The following AGO3 variants were observed in gnomAD, a reference collection of about 807,000 sequenced individuals.
AGO3 encodes argonaute RISC catalytic component 3.
Under a neutral mutation model 105.5 loss-of-function variants are expected in AGO3, and 16 were observed. The ratio of observed to expected loss-of-function variants is 0.15; its 90% CI spans 0.10 to 0.23. The LOEUF is 0.23. Among genes scored for constraint, AGO3 ranks in the 10% least tolerant of loss-of-function variants. The pLI, the probability that AGO3 is intolerant of heterozygous loss-of-function variation, is 1.00. For missense variants in AGO3, 534 were observed against 1,088.0 expected (o/e 0.49, Z 7.16); for synonymous variants, 340 against 367.3 (o/e 0.93, Z 0.85).
rs753497629 is a variant in AGO3 at position 36,053,004 on chromosome 1, AT to A, written c.2275-1938del. ...TAAATCCTATATGACTGGTTTATATATTTTAACCTAGTGTTTCCTCCAGTAT... is the reference window on the plus strand; with the variant it reads ...TAAATCCTATATGACTGGTTTATATATTTAACCTAGTGTTTCCTCCAGTAT... On this transcript the variant is annotated intron_variant, in intron 17 of 18. Transcript: ENST00000373191. 9.7e-4 allele frequency among the ~76,000 whole-genome samples: 147 copies of A among 152,144 alleles called. 1 individual carries two copies. Among genetic ancestry groups the A allele is most frequent in the Non-Finnish European group, 1.4e-3 (92 of 68,038 alleles).
chr1:35,991,023 C>G (rs1647593995), intron 5 of AGO3, among the ~76,000 whole-genome samples: 1 of 152,150 alleles, frequency 6.6e-6, no homozygotes, highest in Non-Finnish European at 1.5e-5. Flanking sequence ...CAGTATAAGG[C>G]TGGGCACGGT....
chr1:36,024,327 G>A (rs933303306), intron 11 of AGO3, among the ~76,000 whole-genome samples: 2 of 151,774 alleles, frequency 1.3e-5, no homozygotes, highest in African/African-American at 4.8e-5. Context: ...TGTATAGATA[G>A]GATCTCACTA....
At chr1:35,958,243 T>G (rs1330404455) in intron 2 of AGO3, among the ~76,000 whole-genome samples, 1 of 151,780 alleles carries the variant, frequency 6.6e-6, no homozygotes, top group Non-Finnish European at 1.5e-5. Context: ...TAGCCAGGCA[T>G]GGTGGTGCGC....
intron 2 of AGO3, among the ~76,000 whole-genome samples, chr1:35,953,971 A>G (rs191520389): frequency 9.8e-5 from 15 of 152,330 alleles, no homozygotes; most frequent in Admixed American, 3.9e-4. Flanking sequence ...TTTGAAGCAC[A>G]AACTTTTAAA....
intron 1 of AGO3, among the ~76,000 whole-genome samples, chr1:35,935,403 G>A (rs1646131231): frequency 6.6e-6 from 1 of 152,142 alleles, no homozygotes; most frequent in South Asian, 2.1e-4. Context: ...AAACTAATCT[G>A]TTTAGTTTTT....
rs187156092 is a variant in AGO3, at chr1:35,982,074, G to A, written c.658+8563G>A. Among the ~76,000 whole-genome samples the A allele has an allele frequency of 1.6e-3, 243 of 152,208 alleles. 1 individual carries two copies. Among genetic ancestry groups the A allele is most frequent in the African/African-American group, 4.0e-3 (168 of 41,546 alleles). On this transcript the variant is annotated intron_variant, in intron 5 of 18. Transcript: ENST00000373191. ...TCTAGGAGAAAGATGGGAAAATTTG[G>A]AACTAAATTGCTGTTATGTTCCTAC...
intron 1 of AGO3, among the ~76,000 whole-genome samples, chr1:35,933,711 A>G (rs1472588441): frequency 2.7e-5 from 4 of 147,474 alleles, no homozygotes; most frequent in Non-Finnish European, 1.5e-5. Context: ...AAATTTTAGT[A>G]TAAATGTTCT....
In AGO3 at chr1:35,952,214, G is replaced by A. The variant is rs181624572; in HGVS notation, c.191+6351G>A. ...TAGGCTAGAGTGCAGTGGCGCGATC[G>A]CGGCTCACTGCAACCTCTGCCTCCT... On this transcript the variant is annotated intron_variant, in intron 2 of 18. Transcript: ENST00000373191. 4.0e-3 allele frequency among the ~76,000 whole-genome samples: 572 copies of A among 141,854 alleles called. 3 individuals are homozygous for A. The highest frequency in any genetic ancestry group is 0.013 in the African/African-American group (500 of 37,798). The allele number at this position is 141,854 out of a possible 152,430, so 93.1% of individuals were successfully genotyped here.
In AGO3 at chr1:36,057,909, A is replaced by C. The variant is rs1642975071; in HGVS notation, c.*2164A>C. 2.0e-5 allele frequency: 3 copies of C among 152,072 alleles called. No homozygotes were observed. Among genetic ancestry groups the C allele is most frequent in the African/African-American group, 7.2e-5 (3 of 41,400 alleles). The allele number at this position is 152,072 out of a possible 1,614,324, so 9.4% of individuals were successfully genotyped here. A position where few individuals can be genotyped will look rare whatever the true frequency, so the allele number is the denominator to read the frequency against. ...GGATTGCTTGAACCTAGGAGGCGGA[A>C]GTTACAGTGAGCCAAGACTGCACCA... On this transcript the variant is annotated 3_prime_UTR_variant, in exon 19 of 19. Coordinates refer to ENST00000373191, the MANE Select transcript of AGO3 (RefSeq NM_024852.4).
chr1:36,017,133 T>C (rs1640947194), intron 11 of AGO3, among the ~76,000 whole-genome samples: 1 of 152,150 alleles, frequency 6.6e-6, no homozygotes, highest in Non-Finnish European at 1.5e-5. Flanking sequence ...CCATTTGACA[T>C]CCTACAGATG....
At chr1:36,051,742 C>T (rs368479073) in intron 17 of AGO3, among the ~76,000 whole-genome samples, 8 of 152,086 alleles carry the variant, frequency 5.3e-5, no homozygotes, top group African/African-American at 1.9e-4. Flanking sequence ...ACTCAAACAA[C>T]TCAACAGCAA....
Position 36,008,969 on chromosome 1 carries a change from T to C in AGO3, c.954T>C (p.Thr318=), listed in dbSNP as rs772141640. Residue 318 remains threonine (T), a synonymous_variant, in exon 8 of 19, where the codon ACT becomes ACC. Coordinates refer to ENST00000373191, the MANE Select transcript of AGO3 (RefSeq NM_024852.4). This position sits in a 1 kb window ranked among gnomAD's most constrained non-coding sequence, Gnocchi z 5.1. ...CGCAGTATTTCAGAGAAAAGTATAC[T>C]CTTCAGCTGAAGTACCCGCACCTTC... ...TVAQYFREKY[T]LQLKYPHLPC... is the part of the protein sequence containing the mutation. 6.2e-7 allele frequency: 1 copy of C among 1,613,206 alleles called. No homozygotes were observed. Among genetic ancestry groups the C allele is most frequent in the Non-Finnish European group, 8.5e-7 (1 of 1,179,804 alleles).
intron 5 of AGO3, among the ~76,000 whole-genome samples, chr1:35,977,391 AT>A (rs35048209): frequency 0.048 from 6,152 of 128,296 alleles, 148 homozygotes; most frequent in South Asian, 0.075. Context: ...CGTTATTATG[AT>A]TTTTTTTTTT....
chr1:36,022,034 C>CA (rs1569830865), intron 11 of AGO3, among the ~76,000 whole-genome samples: 1 of 149,146 alleles, frequency 6.7e-6, no homozygotes, highest in East Asian at 1.9e-4. Context: ...TAGGCATCCG[C>CA]ATCCTTGGAT....
At chr1:35,957,339 G>C (rs1169899523) in intron 2 of AGO3, among the ~76,000 whole-genome samples, 1 of 151,798 alleles carries the variant, frequency 6.6e-6, no homozygotes, top group African/African-American at 2.4e-5. Flanking sequence ...CTGGGCGACA[G>C]AGCGAGACTG....
intron 1 of AGO3, among the ~76,000 whole-genome samples, chr1:35,942,259 T>C (rs1239533541): frequency 1.3e-5 from 2 of 152,248 alleles, no homozygotes; most frequent in East Asian, 3.8e-4. Flanking sequence ...TGATACAAAC[T>C]CATTCTTTTG....
At chr1:36,012,493 C>A (rs991727265) in intron 9 of AGO3, among the ~76,000 whole-genome samples, 1 of 151,910 alleles carries the variant, frequency 6.6e-6, no homozygotes, top group East Asian at 1.9e-4. Context: ...AAAATTATAA[C>A]CTGTGACTCA....
At chr1:36,018,004 A>G (rs1341675302) in intron 11 of AGO3, among the ~76,000 whole-genome samples, 1 of 148,548 alleles carries the variant, frequency 6.7e-6, no homozygotes, top group East Asian at 2.1e-4. Flanking sequence ...TGTATTGACA[A>G]TGTTCTCTTT....
Position 36,064,088 on chromosome 1 carries a change from A to G in AGO3, c.*8343A>G, listed in dbSNP as rs1206058372. The G allele has an allele frequency of 6.6e-6, 1 of 152,244 alleles. No individual in the cohort carries two copies. Among genetic ancestry groups the G allele is most frequent in the Non-Finnish European group, 1.5e-5 (1 of 68,050 alleles). 9.4% of individuals were successfully genotyped at this position (152,244 alleles called of 1,614,324 possible). A position where few individuals can be genotyped will look rare whatever the true frequency, so the allele number is the denominator to read the frequency against. On this transcript the variant is annotated 3_prime_UTR_variant, in exon 19 of 19. Coordinates refer to ENST00000373191, the MANE Select transcript of AGO3 (RefSeq NM_024852.4). ...TATTGGTATGTTAACTTTTAAAATA[A>G]AAGTACATGGGCTGGGCGCAGTGGC... is the stretch of plus-strand genomic sequence containing the variant.
Sources: allele counts gnomAD v4.1 joint callset (sites outside exome capture counted in the v4.1 genomes callset), GRCh38; gene constraint gnomAD v4.1.1; non-coding constraint Gnocchi (gnomAD v3.1); transcripts MANE v1.5; gene names NCBI Gene and HGNC (gene_info 2026-07-23, HGNC 2026-07-21).